Variants in FRS2 observed in about 807,000 individuals in gnomAD.
FRS2 encodes the protein fibroblast growth factor receptor substrate 2, also known as FGFR signalling adaptor.
Under a neutral mutation model 43.9 loss-of-function variants are expected in FRS2, and 8 were observed. That is an observed-to-expected ratio of 0.18 (90% confidence interval 0.11 to 0.33). The LOEUF (loss-of-function observed/expected upper bound fraction) is 0.33, where lower values mean the gene tolerates loss of function less well. FRS2 is among the 10% of genes least tolerant of loss of function. The probability of loss-of-function intolerance (pLI) is 1.00; values close to 1 mark genes in which losing one functional copy is unlikely to be tolerated. For synonymous variants in FRS2, 219 were observed against 220.3 expected (o/e 0.99, Z 0.05); for missense variants, 534 against 627.6 (o/e 0.85, Z 1.59).
Position 69,470,510 on chromosome 12 carries a change from C to T in FRS2, c.-281C>T. On this transcript the variant is annotated 5_prime_UTR_variant, in exon 1 of 9. Coordinates refer to ENST00000549921, the MANE Select transcript of FRS2 (RefSeq NM_001278356.2). Reference sequence around the variant, plus strand: ...CGCCCGCCGACCCGCGCCCTGCTCCCTCTCAGCACCTGGGCGGACGGTGAG... The same window carrying T: ...CGCCCGCCGACCCGCGCCCTGCTCCTTCTCAGCACCTGGGCGGACGGTGAG... The T allele has an allele frequency of 2.5e-6, 1 of 398,676 alleles. No homozygotes were observed. Among genetic ancestry groups the T allele is most frequent in the East Asian group, 3.6e-5 (1 of 28,068 alleles). The allele number at this position is 398,676 out of a possible 1,614,324, so 24.7% of individuals were successfully genotyped here. A position where few individuals can be genotyped will look rare whatever the true frequency, so the allele number is the denominator to read the frequency against.
intron 1 of FRS2, among the ~76,000 whole-genome samples, chr12:69,492,820 T>A (rs746005249): frequency 1.3e-5 from 2 of 152,226 alleles, no homozygotes; most frequent in African/African-American, 4.8e-5. Context: ...TCTGTTTGGT[T>A]CCATGGTGGA....
At chr12:69,546,652 A>G (rs186921477) in intron 3 of FRS2, among the ~76,000 whole-genome samples, 1 of 152,204 alleles carries the variant, frequency 6.6e-6, no homozygotes, top group East Asian at 1.9e-4. Flanking sequence ...CAGCCTCCCA[A>G]AGTGCTGGGA....
intron 1 of FRS2, among the ~76,000 whole-genome samples, chr12:69,509,771 CT>C (rs1874289461): frequency 6.6e-6 from 1 of 152,130 alleles, no homozygotes; most frequent in Non-Finnish European, 1.5e-5. Flanking sequence ...GCTGTTGTGT[CT>C]TTCCCAATTC....
At chr12:69,482,234 G>T (rs1280480647) in intron 1 of FRS2, among the ~76,000 whole-genome samples, 3 of 152,180 alleles carry the variant, frequency 2.0e-5, no homozygotes, top group African/African-American at 7.2e-5. Flanking sequence ...AAAGCATTAG[G>T]TGACAAAGAT....
chr12:69,521,938 A>C (rs1875701760), intron 1 of FRS2, among the ~76,000 whole-genome samples: 1 of 152,040 alleles, frequency 6.6e-6, no homozygotes, highest in South Asian at 2.1e-4. Context: ...TAATGTGAAG[A>C]GGTATTGAAT....
intron 1 of FRS2, among the ~76,000 whole-genome samples, chr12:69,530,049 G>A (rs181577225): frequency 9.9e-5 from 15 of 151,628 alleles, no homozygotes; most frequent in Admixed American, 2.6e-4. Context: ...GTGAGACTCC[G>A]TCTCAAAAGA....
At chr12:69,524,938 G>A (rs1876055435) in intron 1 of FRS2, among the ~76,000 whole-genome samples, 1 of 152,126 alleles carries the variant, frequency 6.6e-6, no homozygotes, top group Admixed American at 6.5e-5. Flanking sequence ...AACTAGTCCT[G>A]GGTGCCTGGT....
At chr12:69,548,496 A>G (rs1878606301) in intron 3 of FRS2, among the ~76,000 whole-genome samples, 2 of 152,166 alleles carry the variant, frequency 1.3e-5, no homozygotes, top group African/African-American at 4.8e-5. Flanking sequence ...TTTGATTCTT[A>G]GGAGTTTAGT....
intron 3 of FRS2, among the ~76,000 whole-genome samples, chr12:69,540,874 C>T (rs1291112549): frequency 6.6e-6 from 1 of 152,144 alleles, no homozygotes; most frequent in Non-Finnish European, 1.5e-5. Context: ...CTGTGATCCT[C>T]CTGTCCAAAT....
intron 1 of FRS2, among the ~76,000 whole-genome samples, chr12:69,496,300 G>C (rs1872885927): frequency 2.0e-5 from 3 of 152,154 alleles, no homozygotes; most frequent in Admixed American, 6.6e-5. Context: ...AGCCGGGCGT[G>C]GTGGTGGGCA....
At chr12:69,528,256 A>T (rs1053041559) in intron 1 of FRS2, among the ~76,000 whole-genome samples, 2 of 152,224 alleles carry the variant, frequency 1.3e-5, no homozygotes, top group Non-Finnish European at 2.9e-5. Context: ...AAGTTTAAAC[A>T]TCCTACCATG....
At chr12:69,476,752 AC>A (rs1353972953) in intron 1 of FRS2, among the ~76,000 whole-genome samples, 17 of 1,638 alleles carry the variant, frequency 0.01, no homozygotes, top group East Asian at 0.056. Context: ...TGGGGGAGGG[AC>A]GGGGGGGGGT....
At chr12:69,550,423 A>G (rs906924765) in intron 3 of FRS2, among the ~76,000 whole-genome samples, 1 of 152,022 alleles carries the variant, frequency 6.6e-6, no homozygotes. Context: ...TTTTAACTCA[A>G]CCTGTGAGGA....
At position 69,575,019 on chromosome 12, in the gene FRS2, T is replaced by C; in HGVS notation, c.*64T>C. On this transcript the variant is annotated 3_prime_UTR_variant, in exon 9 of 9. Coordinates refer to ENST00000549921, the MANE Select transcript of FRS2 (RefSeq NM_001278356.2). Reference sequence around the variant, plus strand: ...TTTTAAAAATGAAGATGCAAGTGCTTCATTTTCATTTCTAAACACTAACTC... The same window carrying C: ...TTTTAAAAATGAAGATGCAAGTGCTCCATTTTCATTTCTAAACACTAACTC... The C allele has an allele frequency of 9.7e-7, 1 of 1,035,104 alleles. No individual in the cohort carries two copies. Among genetic ancestry groups the C allele is most frequent in the Non-Finnish European group, 1.5e-6 (1 of 684,718 alleles). The allele number at this position is 1,035,104 out of a possible 1,614,324, so 64.1% of individuals were successfully genotyped here.
rs979939167 is a variant in FRS2, at chr12:69,528,739, G to T, written c.-260-2126G>T. Among the ~76,000 whole-genome samples the T allele has an allele frequency of 2.0e-5, 3 of 152,140 alleles. No individual in the cohort carries two copies. The East Asian group carries it at 5.8e-4, about 29-fold the overall frequency. ...ATTTACTATTCTTTACAAATTCTTT[G>T]CCAGATAAGGAAAACTAAGACAGCT... On this transcript the variant is annotated intron_variant, in intron 1 of 8. Transcript: ENST00000549921.
At chr12:69,479,640 C>T (rs1444938689) in intron 1 of FRS2, among the ~76,000 whole-genome samples, 2 of 152,072 alleles carry the variant, frequency 1.3e-5, no homozygotes, top group African/African-American at 2.4e-5. Flanking sequence ...TCATGATCCA[C>T]CTGCCTCAGC....
chr12:69,534,493 C>T (rs1050145618), intron 3 of FRS2, among the ~76,000 whole-genome samples: 2 of 152,170 alleles, frequency 1.3e-5, no homozygotes. Context: ...CTCTCTCCCC[C>T]AATTTGAAGA....
intron 1 of FRS2, among the ~76,000 whole-genome samples, chr12:69,476,193 A>T (rs900073456): frequency 4.6e-5 from 7 of 152,214 alleles, no homozygotes; most frequent in African/African-American, 1.7e-4. Context: ...CCTACAGAGG[A>T]CGTATTGTGA....
Position 69,470,456 on chromosome 12 carries a change from T to C in FRS2, c.-335T>C, listed in dbSNP as rs1004802411. On this transcript the variant is annotated 5_prime_UTR_variant, in exon 1 of 9. Coordinates refer to ENST00000549921, the MANE Select transcript of FRS2 (RefSeq NM_001278356.2). ...GACTCGATCTGCTCCAAGTAGGGGC[T>C]CCAGCGCGGGTCGGAGTCTGGGGGT... 1.3e-5 allele frequency: 5 copies of C among 398,382 alleles called. No individual in the cohort carries two copies. Among genetic ancestry groups the C allele is most frequent in the African/African-American group, 6.2e-5 (3 of 48,620 alleles). The allele number at this position is 398,382 out of a possible 1,614,324, so 24.7% of individuals were successfully genotyped here. A position where few individuals can be genotyped will look rare whatever the true frequency, so the allele number is the denominator to read the frequency against.
Sources: gnomAD v4.1 joint callset for allele counts (sites outside exome capture counted in the v4.1 genomes callset) on GRCh38, gnomAD v4.1.1 for gene constraint, MANE v1.5 for transcripts, NCBI Gene and HGNC (gene_info 2026-07-23, HGNC 2026-07-21) for gene names.